Variants in RNF125 observed in about 807,000 individuals in gnomAD.
The protein encoded by RNF125 is E3 ubiquitin-protein ligase RNF125.
RNF125 carries 21 observed loss-of-function variants against 26.0 expected under a neutral mutation model. The ratio of observed to expected loss-of-function variants is 0.81; its 90% confidence interval spans 0.57 to 1.16. The LOEUF is 1.16. Ranked by LOEUF, RNF125 falls within the 50% of genes most tolerant of loss-of-function variation. The probability of loss-of-function intolerance (pLI) is 0.00; values close to 1 mark genes in which losing one functional copy is unlikely to be tolerated. For missense variants in RNF125, 270 were observed against 299.4 expected, an observed-to-expected ratio of 0.90 and a Z score of 0.72; for synonymous variants, 95 against 109.2, an observed-to-expected ratio of 0.87 and a Z score of 0.81.
chr18:32,021,142 A>G (rs959990900), intron 1 of RNF125, among the ~76,000 whole-genome samples: 11 of 152,084 alleles, frequency 7.2e-5, no homozygotes, highest in Admixed American at 5.9e-4. Context: ...GTGCAGTGGC[A>G]CGATCTTGGC....
the RNF125 span, among the ~76,000 whole-genome samples, chr18:32,085,457 T>A: frequency 6.6e-6 from 1 of 150,600 alleles, no homozygotes; most frequent in Non-Finnish European, 1.5e-5. Flanking sequence ...CCCAGCACTT[T>A]AAGAGGCCAA....
At position 32,068,672 on chromosome 18, in the gene RNF125, G is replaced by A. The variant is rs149159326; in HGVS notation, c.*288G>A. ...GGTAGGCAAGTAGGTGGAGGATCTC[G>A]GTTTGCAAATTAGATAATACTCTGT... On this transcript the variant is annotated 3_prime_UTR_variant, in exon 6 of 6. Coordinates refer to ENST00000217740, the MANE Select transcript of RNF125 (RefSeq NM_017831.4). 1.1e-4 allele frequency: 34 copies of A among 302,138 alleles called. No homozygotes were observed. The highest frequency in any genetic ancestry group is 1.9e-4 in the Admixed American group (4 of 20,774). The allele number at this position is 302,138 out of a possible 1,614,324, so 18.7% of individuals were successfully genotyped here. A position where few individuals can be genotyped will look rare whatever the true frequency, so the allele number is the denominator to read the frequency against.
At position 32,041,620 on chromosome 18, in the gene RNF125, C is replaced by CTTTTTTTTTTTTTTTTTTTTT. The variant is rs60264747; in HGVS notation, c.319-551_319-531dup. On this transcript the variant is annotated intron_variant, in intron 2 of 5. Coordinates refer to ENST00000217740, the MANE Select transcript of RNF125 (RefSeq NM_017831.4). ...CTATCTACTTTAAAAAATGTAGATG[C>CTTTTTTTTTTTTTTTTTTTTT]TTTTTTTTTTTTTTTTTTTTTTTTT... Among the ~76,000 whole-genome samples, 5 of 93,280 alleles carry CTTTTTTTTTTTTTTTTTTTTT rather than the reference C, an allele frequency of 5.4e-5. 2 individuals are homozygous for CTTTTTTTTTTTTTTTTTTTTT. The highest frequency in any genetic ancestry group is 2.1e-5 in the Non-Finnish European group (1 of 47,586). The allele number at this position is 93,280 out of a possible 152,430, so 61.2% of individuals were successfully genotyped here.
the RNF125 span, among the ~76,000 whole-genome samples, chr18:32,078,399 G>T: frequency 4.4e-5 from 6 of 136,076 alleles, no homozygotes; most frequent in African/African-American, 1.5e-4. Context: ...GGCACTTTTT[G>T]ATTGTCACTG....
At chr18:32,029,422 G>A (rs1387227338) in intron 1 of RNF125, among the ~76,000 whole-genome samples, 1 of 149,758 alleles carries the variant, frequency 6.7e-6, no homozygotes, top group Non-Finnish European at 1.5e-5. Context: ...CCCAGAGTTT[G>A]AGACCAGCCT....
At chr18:32,090,558 C>G in the RNF125 span, among the ~76,000 whole-genome samples, 1 of 152,186 alleles carries the variant, frequency 6.6e-6, no homozygotes, top group African/African-American at 2.4e-5. Flanking sequence ...CATTAAAACC[C>G]ATTTCCTCCA....
chr18:32,026,109 C>T (rs1485063244), intron 1 of RNF125, among the ~76,000 whole-genome samples: 2 of 148,024 alleles, frequency 1.4e-5, no homozygotes, highest in African/African-American at 2.5e-5. Context: ...CTGTTGCCCA[C>T]GCTGGAGTGC....
chr18:32,058,183 T>C (rs907317632), intron 4 of RNF125, among the ~76,000 whole-genome samples: 2 of 147,470 alleles, frequency 1.4e-5, no homozygotes, highest in Admixed American at 6.9e-5. Flanking sequence ...AGTATGACCA[T>C]ATATGTACTT....
intron 4 of RNF125, among the ~76,000 whole-genome samples, chr18:32,053,180 T>C (rs2039345306): frequency 6.6e-6 from 1 of 151,974 alleles, no homozygotes; most frequent in African/African-American, 2.4e-5. Flanking sequence ...CTGACCAACA[T>C]GGAGAAACCC....
At chr18:32,075,517 A>T (rs2039564195), downstream of RNF125, among the ~76,000 whole-genome samples, 1 of 152,066 alleles carries the variant, frequency 6.6e-6, no homozygotes, top group Non-Finnish European at 1.5e-5. Flanking sequence ...AACATGGAGA[A>T]ATCCCAACTC....
intron 4 of RNF125, among the ~76,000 whole-genome samples, chr18:32,048,593 A>G (rs2039295591): frequency 6.6e-6 from 1 of 152,218 alleles, no homozygotes; most frequent in Admixed American, 6.5e-5. Context: ...CTGGTAAGTA[A>G]CAAAGACAGA....
chr18:32,025,939 AG>A (rs1325171180), intron 1 of RNF125, among the ~76,000 whole-genome samples: 2 of 152,088 alleles, frequency 1.3e-5, no homozygotes, highest in Non-Finnish European at 2.9e-5. Context: ...TAGGAGTCTG[AG>A]GAACAAAAAA....
intron 5 of RNF125, among the ~76,000 whole-genome samples, chr18:32,067,125 C>T (rs1184496420): frequency 3.3e-5 from 5 of 152,086 alleles, no homozygotes; most frequent in East Asian, 1.9e-4. Flanking sequence ...TGGTGGCGGG[C>T]GCCTGTGGTC....
chr18:32,078,870 GCA>G, the RNF125 span, among the ~76,000 whole-genome samples: 1 of 152,010 alleles, frequency 6.6e-6, no homozygotes, highest in Non-Finnish European at 1.5e-5. Context: ...CTGTGATTTT[GCA>G]CACTTTTTCC....
intron 4 of RNF125, among the ~76,000 whole-genome samples, chr18:32,051,704 T>C (rs1227294139): frequency 1.4e-5 from 2 of 148,028 alleles, no homozygotes; most frequent in Admixed American, 6.7e-5. Flanking sequence ...CTTTTTTTTT[T>C]TTTTTGTTTG....
chr18:32,020,057 A>T (rs1025891052), intron 1 of RNF125, among the ~76,000 whole-genome samples: 7 of 150,462 alleles, frequency 4.7e-5, no homozygotes, highest in Non-Finnish European at 7.4e-5. Flanking sequence ...AGAGAGACGT[A>T]GTCTGGCTCT....
At chr18:32,033,747 A>G (rs1305003143) in intron 1 of RNF125, among the ~76,000 whole-genome samples, 7 of 152,106 alleles carry the variant, frequency 4.6e-5, no homozygotes, top group African/African-American at 1.7e-4. Context: ...TGAACCTGGG[A>G]GGTGGAGGTC....
intron 5 of RNF125, among the ~76,000 whole-genome samples, chr18:32,067,028 G>A (rs376390711): frequency 8.4e-4 from 128 of 152,264 alleles, no homozygotes; most frequent in Non-Finnish European, 1.4e-3. Flanking sequence ...CGAGATGGGC[G>A]GATCATGAGG....
At chr18:32,059,132 T>C (rs2039412828) in intron 4 of RNF125, among the ~76,000 whole-genome samples, 1 of 152,210 alleles carries the variant, frequency 6.6e-6, no homozygotes, top group African/African-American at 2.4e-5. Flanking sequence ...TTGGGGAATA[T>C]ACCTGGGAGT....
Sources: gnomAD v4.1 joint callset for allele counts (sites outside exome capture counted in the v4.1 genomes callset) on GRCh38, gnomAD v4.1.1 for gene constraint, MANE v1.5 for transcripts, NCBI Gene and HGNC (gene_info 2026-07-23, HGNC 2026-07-21) for gene names.